The following STK31 variants were observed in gnomAD, a reference collection of about 807,000 sequenced individuals.
STK31 encodes serine/threonine-protein kinase 31.
STK31 carries 89 observed loss-of-function variants against 129.7 expected under a neutral mutation model. That is an observed-to-expected ratio of 0.69 (90% CI 0.58 to 0.82). The LOEUF (loss-of-function observed/expected upper bound fraction) is 0.82. Among genes scored for constraint, STK31 ranks in the 40% least tolerant of loss-of-function variants. The probability of loss-of-function intolerance (pLI) is 0.00; values close to 1 mark genes in which losing one functional copy is unlikely to be tolerated. For missense variants in STK31, 1,187 were observed against 1,176.4 expected (o/e 1.01, Z -0.13); for synonymous variants, 448 against 395.3 (o/e 1.13, Z -1.58).
At chr7:23,771,589 G>A (rs1367478834) in intron 14 of STK31, 2 of 152,640 alleles carry the variant, frequency 1.3e-5, no homozygotes, top group Non-Finnish European at 2.9e-5. Context: ...TTTCTATACT[G>A]TCATCTTGAG....
At chr7:23,791,257 C>G in intron 22 of STK31, 2 of 984,886 alleles carry the variant, frequency 2.0e-6, no homozygotes, top group Non-Finnish European at 2.4e-6. Flanking sequence ...TTAAATAAGC[C>G]TTGGGTATAT....
intron 15 of STK31, among the ~76,000 whole-genome samples, chr7:23,777,012 G>A (rs1324365359): frequency 1.3e-5 from 2 of 152,134 alleles, no homozygotes; most frequent in Non-Finnish European, 2.9e-5. Context: ...AGAGATTCTG[G>A]TACATTGTGT....
chr7:23,773,700 A>G (rs1384845945), intron 15 of STK31, among the ~76,000 whole-genome samples: 1 of 150,684 alleles, frequency 6.6e-6, no homozygotes, highest in African/African-American at 2.4e-5. Context: ...CCTCTCCAGC[A>G]TCTGTGGTTT....
chr7:23,829,784 T>C (rs903650520), intron 23 of STK31, among the ~76,000 whole-genome samples: 1 of 152,218 alleles, frequency 6.6e-6, no homozygotes, highest in Non-Finnish European at 1.5e-5. Context: ...TGGGAGACTT[T>C]CTCTTACTGA....
intron 4 of STK31, chr7:23,721,171 G>A (rs1267974813): frequency 1.7e-5 from 5 of 295,532 alleles, no homozygotes; most frequent in Admixed American, 4.8e-5. Context: ...TATTGTTACT[G>A]ACAGAAACAA....
In STK31 at chr7:23,796,718, T is replaced by G. The variant is rs1791982200; in HGVS notation, c.2760+5772T>G. On this transcript the variant is annotated intron_variant, in intron 22 of 23. Coordinates refer to ENST00000355870, the MANE Select transcript of STK31 (RefSeq NM_031414.5). ...TAAACGCTGGCAACCACTGACCTTTTATCACTGTGTTTTGTGCTTTTAAGA... is the reference window on the plus strand; with the variant it reads ...TAAACGCTGGCAACCACTGACCTTTGATCACTGTGTTTTGTGCTTTTAAGA... Among the ~76,000 whole-genome samples the G allele has an allele frequency of 3.9e-5, 6 of 152,148 alleles. No homozygotes were observed. The South Asian group carries it at 1.2e-3, about 32-fold the overall frequency.
rs1171568592 is a variant in STK31 at position 23,750,067 on chromosome 7, T to TCCCCCCC, written c.1018-2648_1018-2642dup. On this transcript the variant is annotated intron_variant, in intron 8 of 23. Transcript: ENST00000355870. ...CTGGGATATTTCAGAATGGTTTGTT[T>TCCCCCCC]CCCCCCCCGCCACTGCTGGAAACAT... Among the ~76,000 whole-genome samples, 435 of 90,088 alleles carry TCCCCCCC rather than the reference T, an allele frequency of 4.8e-3. 28 individuals are homozygous for TCCCCCCC. The highest frequency in any genetic ancestry group is 7.0e-3 in the Admixed American group (48 of 6,888). 59.1% of individuals were successfully genotyped at this position (90,088 alleles called of 152,430 possible). A position where few individuals can be genotyped will look rare whatever the true frequency, so the allele number is the denominator to read the frequency against.
At chr7:23,778,470 C>T (rs546346800) in intron 15 of STK31, among the ~76,000 whole-genome samples, 2 of 152,250 alleles carry the variant, frequency 1.3e-5, no homozygotes, top group South Asian at 2.1e-4. Flanking sequence ...CTTTCAGGTA[C>T]ACCAGTCAAA....
At chr7:23,717,456 C>T (rs746394445) in intron 3 of STK31, 25 bp from the exon 4 acceptor site, 60 of 1,492,516 alleles carry the variant, frequency 4.0e-5, no homozygotes, top group Non-Finnish European at 5.4e-5. Context: ...TTTACTGTAT[C>T]TTATACTATA....
intron 8 of STK31, among the ~76,000 whole-genome samples, chr7:23,746,820 C>T (rs1421529849): frequency 6.6e-6 from 1 of 151,716 alleles, no homozygotes; most frequent in East Asian, 1.9e-4. Context: ...ATAATTTTAA[C>T]TTAATATTAT....
At chr7:23,754,600 A>T in intron 10 of STK31, 126 bp downstream of exon 10, 1 of 1,036,800 alleles carries the variant, frequency 9.6e-7, no homozygotes, top group Admixed American at 2.5e-5. Context: ...ACATAGGTAT[A>T]CATGCGCCGT....
rs190483391 is a variant in STK31, at chr7:23,757,027, G to C, written c.1293+2553G>C. Among the ~76,000 whole-genome samples, 306 of 152,208 alleles carry C rather than the reference G, an allele frequency of 2.0e-3. 1 individual carries two copies. Among genetic ancestry groups the C allele is most frequent in the African/African-American group, 7.1e-3 (293 of 41,550 alleles). On this transcript the variant is annotated intron_variant, in intron 10 of 23. Transcript: ENST00000355870. Reference sequence around the variant, plus strand: ...CATAAAATGAGTTAGGGAGGAGTCCGTCCTTTTCAGTTGTTGGGAATAGTT... The same window carrying C: ...CATAAAATGAGTTAGGGAGGAGTCCCTCCTTTTCAGTTGTTGGGAATAGTT...
intron 10 of STK31, among the ~76,000 whole-genome samples, chr7:23,761,954 C>T (rs1029168551): frequency 1.1e-4 from 16 of 147,784 alleles, no homozygotes; most frequent in South Asian, 6.4e-4. Context: ...TTTTATAATA[C>T]ATTTTATAGT....
At chr7:23,746,894 T>C (rs1788387345) in intron 8 of STK31, among the ~76,000 whole-genome samples, 1 of 152,010 alleles carries the variant, frequency 6.6e-6, no homozygotes, top group South Asian at 2.1e-4. Flanking sequence ...GTTAAAATTA[T>C]TTTAAAATAA....
chr7:23,718,219 GTAT>G (rs1369027603), intron 4 of STK31, among the ~76,000 whole-genome samples: 1 of 152,118 alleles, frequency 6.6e-6, no homozygotes, highest in Non-Finnish European at 1.5e-5. Context: ...ACCTGGCACT[GTAT>G]TAAGCATTAA....
intron 22 of STK31, chr7:23,811,420 T>C: frequency 5.9e-6 from 2 of 337,274 alleles, no homozygotes; most frequent in Admixed American, 3.4e-5. Flanking sequence ...TGAAGCCAGC[T>C]TGCTGCAAGT....
Position 23,712,222 on chromosome 7 carries a change from A to G in STK31, c.98-12A>G. 1 of 1,614,034 alleles carries G rather than the reference A, an allele frequency of 6.2e-7. No homozygotes were observed. Among genetic ancestry groups the G allele is most frequent in the Non-Finnish European group, 8.5e-7 (1 of 1,179,958 alleles). On this transcript the variant is annotated splice_polypyrimidine_tract_variant and intron_variant, in intron 2 of 23. Transcript: ENST00000355870. ...AATTTCTAATTTTCCTTGTATTGTG[A>G]TTTGATTTTAGTGGAAGATGTGGTT... is the stretch of plus-strand genomic sequence containing the variant.
chr7:23,808,087 AGT>A (rs1792826464), intron 22 of STK31, among the ~76,000 whole-genome samples: 1 of 150,970 alleles, frequency 6.6e-6, no homozygotes, highest in Non-Finnish European at 1.5e-5. Flanking sequence ...CTTGATATAA[AGT>A]GATTTTTTAT....
intron 8 of STK31, among the ~76,000 whole-genome samples, chr7:23,742,001 T>C (rs1788082217): frequency 1.3e-5 from 2 of 152,220 alleles, no homozygotes; most frequent in African/African-American, 4.8e-5. Context: ...GTGAACAGCA[T>C]GGGCAAAAAG....
Sources: allele counts gnomAD v4.1 joint callset (sites outside exome capture counted in the v4.1 genomes callset), GRCh38; gene constraint gnomAD v4.1.1; transcripts MANE v1.5; gene names NCBI Gene and HGNC (gene_info 2026-07-23, HGNC 2026-07-21).